Variants in SHANK2 observed in about 807,000 individuals in gnomAD.
SHANK2 encodes the protein SH3 and multiple ankyrin repeat domains protein 2.
A neutral mutation model predicts 133.7 loss-of-function variants in SHANK2; 43 were observed. That is an observed-to-expected ratio of 0.32 (90% CI 0.25 to 0.41). The LOEUF (loss-of-function observed/expected upper bound fraction) is 0.41. SHANK2 is among the 10% of genes least tolerant of loss of function. SHANK2 has a pLI of 1.00. For missense variants in SHANK2, 1,994 were observed against 2,235.8 expected (o/e 0.89, Z 2.18); for synonymous variants, 1,017 against 952.8 (o/e 1.07, Z -1.24).
intron 17 of SHANK2, among the ~76,000 whole-genome samples, chr11:70,588,881 G>A (rs573876592): frequency 8.5e-5 from 13 of 152,238 alleles, no homozygotes; most frequent in South Asian, 8.3e-4. Context: ...GCAGTGGTGC[G>A]GTCTCAGCTC....
chr11:70,630,610 A>T (rs979563228), intron 17 of SHANK2, among the ~76,000 whole-genome samples: 5 of 152,196 alleles, frequency 3.3e-5, no homozygotes, highest in Admixed American at 3.3e-4. Flanking sequence ...TGGTGCCCTT[A>T]TAAGGAGGGA....
chr11:70,500,455 A>T lies in SHANK2; in HGVS notation c.2308+115T>A. 7.0e-7 allele frequency: 1 copy of T among 1,426,252 alleles called. No individual in the cohort carries two copies. Among genetic ancestry groups the T allele is most frequent in the Non-Finnish European group, 9.7e-7 (1 of 1,034,336 alleles). The allele number at this position is 1,426,252 out of a possible 1,614,324, so 88.3% of individuals were successfully genotyped here. ...GGCTCCTCGGGCAGGACCCAGCAGG[A>T]GAAGCCAACAAGGCTTTGCGACACA... On this transcript the variant is annotated intron_variant, in intron 21 of 25. Transcript: ENST00000601538. This position sits in a 1 kb window ranked among gnomAD's most constrained non-coding sequence, Gnocchi z 4.5.
intron 11 of SHANK2, among the ~76,000 whole-genome samples, chr11:70,884,867 C>T (rs564539686): frequency 1.0e-3 from 155 of 152,176 alleles, no homozygotes; most frequent in African/African-American, 3.5e-3. Flanking sequence ...ATTACAGGCA[C>T]GTGCCACCAT....
intron 14 of SHANK2, among the ~76,000 whole-genome samples, chr11:70,757,025 A>C (rs1305370073): frequency 2.6e-5 from 4 of 152,206 alleles, no homozygotes. Context: ...GACGTTTGGC[A>C]AGGATTATGG....
intron 14 of SHANK2, among the ~76,000 whole-genome samples, chr11:70,719,624 A>G (rs1946032513): frequency 1.3e-5 from 2 of 152,028 alleles, no homozygotes; most frequent in African/African-American, 2.4e-5. Flanking sequence ...GGAGGGTCAT[A>G]AAAATAGCCC....
chr11:71,131,532 A>C (rs1296616010), intron 3 of SHANK2, among the ~76,000 whole-genome samples: 1 of 152,108 alleles, frequency 6.6e-6, no homozygotes, highest in African/African-American at 2.4e-5. Context: ...TCTCCAGGCG[A>C]TTAGTAAGAG....
intron 11 of SHANK2, among the ~76,000 whole-genome samples, chr11:70,852,476 C>G (rs1949101340): frequency 6.6e-6 from 1 of 152,138 alleles, no homozygotes; most frequent in Non-Finnish European, 1.5e-5. Context: ...GCTGGCTGTC[C>G]ATTTCCAGCA....
At chr11:70,503,543 G>A (rs1010132950) in intron 17 of SHANK2, among the ~76,000 whole-genome samples, 2 of 152,238 alleles carry the variant, frequency 1.3e-5, no homozygotes, top group African/African-American at 2.4e-5. Flanking sequence ...CCCTGTGCTG[G>A]TCTGTACAAC....
intron 17 of SHANK2, among the ~76,000 whole-genome samples, chr11:70,551,912 C>T (rs947660464): frequency 6.6e-6 from 1 of 152,170 alleles, no homozygotes; most frequent in Non-Finnish European, 1.5e-5. Context: ...GGCTGGGGAG[C>T]GAGACTCTCT....
At chr11:70,702,163 ACAT>A (rs782364548) in intron 14 of SHANK2, among the ~76,000 whole-genome samples, 34 of 139,760 alleles carry the variant, frequency 2.4e-4, no homozygotes, top group Admixed American at 7.0e-4. Context: ...ATCATCACCA[ACAT>A]CATCACCATA....
At chr11:70,475,510 G>A (rs990571912) in intron 25 of SHANK2, among the ~76,000 whole-genome samples, 4 of 152,166 alleles carry the variant, frequency 2.6e-5, no homozygotes, top group Non-Finnish European at 5.9e-5. Flanking sequence ...ATATTTGGGT[G>A]AAACCACCCA....
intron 8 of SHANK2, among the ~76,000 whole-genome samples, chr11:71,076,323 G>A (rs1371218208): frequency 2.6e-5 from 4 of 152,286 alleles, no homozygotes; most frequent in Admixed American, 6.5e-5. Context: ...CGCCATGGTA[G>A]CCCAGGAAGG....
At chr11:70,543,532 G>A (rs1043980026) in intron 17 of SHANK2, among the ~76,000 whole-genome samples, 7 of 152,194 alleles carry the variant, frequency 4.6e-5, no homozygotes, top group Admixed American at 4.6e-4. Flanking sequence ...AGGAGTTTCT[G>A]AATAGATGAA....
At chr11:70,713,417 C>T (rs782101884) in intron 14 of SHANK2, among the ~76,000 whole-genome samples, 14 of 152,256 alleles carry the variant, frequency 9.2e-5, no homozygotes, top group Non-Finnish European at 1.8e-4. Context: ...TTTTGCCAAG[C>T]GTAGCTGTGT....
chr11:71,108,209 A>G (rs1555098318), intron 6 of SHANK2, among the ~76,000 whole-genome samples: 1 of 152,204 alleles, frequency 6.6e-6, no homozygotes, highest in Non-Finnish European at 1.5e-5. Flanking sequence ...CAGAGCCAGG[A>G]GCTGGCACAG....
intron 11 of SHANK2, chr11:70,872,873 A>G (rs1949492403): frequency 2.6e-6 from 1 of 378,552 alleles, no homozygotes; most frequent in Middle Eastern, 9.3e-4. Flanking sequence ...AGAGGAAGGG[A>G]CCCCACGATG....
intron 22 of SHANK2, among the ~76,000 whole-genome samples, chr11:70,491,208 G>A (rs943784265): frequency 2.6e-5 from 4 of 152,236 alleles, no homozygotes; most frequent in Non-Finnish European, 5.9e-5. Flanking sequence ...GGAAATATTC[G>A]TGTGCAAGCT....
At chr11:71,085,433 G>A (rs1951365219) in intron 8 of SHANK2, among the ~76,000 whole-genome samples, 2 of 136,944 alleles carry the variant, frequency 1.5e-5, no homozygotes, top group East Asian at 2.0e-4. Flanking sequence ...CCCAGCCTGG[G>A]CAACAGAGCA....
intron 11 of SHANK2, among the ~76,000 whole-genome samples, chr11:70,852,706 G>A (rs1279079528): frequency 3.9e-5 from 6 of 152,222 alleles, no homozygotes; most frequent in African/African-American, 1.4e-4. Context: ...AGCCAGGCAT[G>A]ATGGTGCATG....
Sources: gnomAD v4.1 joint callset for allele counts (sites outside exome capture counted in the v4.1 genomes callset) on GRCh38, gnomAD v4.1.1 for gene constraint, Gnocchi (gnomAD v3.1) non-coding constraint, MANE v1.5 for transcripts, NCBI Gene and HGNC (gene_info 2026-07-23, HGNC 2026-07-21) for gene names.